Variants in DPY19L2 observed in about 807,000 individuals in gnomAD.
The protein encoded by DPY19L2 is probable C-mannosyltransferase DPY19L2.
Under a neutral mutation model 97.9 loss-of-function variants are expected in DPY19L2, and 34 were observed. The ratio of observed to expected loss-of-function variants is 0.35; its 90% confidence interval spans 0.26 to 0.46. DPY19L2 has a LOEUF of 0.46. DPY19L2 is among the 20% of genes least tolerant of loss of function. The probability of loss-of-function intolerance (pLI) is 1.00; values close to 1 mark genes in which losing one functional copy is unlikely to be tolerated. For missense variants in DPY19L2, 623 were observed against 911.4 expected, an observed-to-expected ratio of 0.68 and a Z score of 4.07; for synonymous variants, 230 against 307.9, an observed-to-expected ratio of 0.75 and a Z score of 2.65.
intron 6 of DPY19L2, among the ~76,000 whole-genome samples, chr12:63,642,299 T>C (rs1415733009): frequency 6.6e-6 from 1 of 152,132 alleles, no homozygotes; most frequent in Non-Finnish European, 1.5e-5. Context: ...GTGGTTTATT[T>C]TTTATCCTAC....
At chr12:63,660,587 CATTT>C (rs1020938027) in intron 4 of DPY19L2, among the ~76,000 whole-genome samples, 4 of 151,786 alleles carry the variant, frequency 2.6e-5, no homozygotes, top group East Asian at 1.9e-4. Flanking sequence ...CAAAGATTAG[CATTT>C]ATTTATTTTA....
intron 12 of DPY19L2, among the ~76,000 whole-genome samples, chr12:63,602,521 A>G: frequency 6.6e-6 from 1 of 152,152 alleles, no homozygotes; most frequent in African/African-American, 2.4e-5. Flanking sequence ...CAGAAATAAA[A>G]GAAGACCTGA....
chr12:63,639,533 G>A (rs1008058339), intron 6 of DPY19L2, among the ~76,000 whole-genome samples: 2 of 152,096 alleles, frequency 1.3e-5, no homozygotes, highest in African/African-American at 2.4e-5. Flanking sequence ...ATCAAAAAGT[G>A]GATGAAGGAT....
At chr12:63,645,899 T>C (rs1893348539) in intron 5 of DPY19L2, among the ~76,000 whole-genome samples, 1 of 152,098 alleles carries the variant, frequency 6.6e-6, no homozygotes, top group South Asian at 2.1e-4. Flanking sequence ...TTAAAATTCT[T>C]CAATGGATAA....
At chr12:63,571,510 C>G (rs1224899140) in intron 19 of DPY19L2, among the ~76,000 whole-genome samples, 1 of 152,108 alleles carries the variant, frequency 6.6e-6, no homozygotes, top group Non-Finnish European at 1.5e-5. Flanking sequence ...ATGTGAAATG[C>G]CAGGAGCTGA....
intron 5 of DPY19L2, among the ~76,000 whole-genome samples, chr12:63,645,814 C>T (rs1173746029): frequency 6.6e-6 from 1 of 152,076 alleles, no homozygotes; most frequent in African/African-American, 2.4e-5. Flanking sequence ...CCTGGCCTCC[C>T]TTAACCTACT....
intron 4 of DPY19L2, chr12:63,652,059 C>A (rs567795543): frequency 5.9e-6 from 1 of 168,708 alleles, no homozygotes; most frequent in African/African-American, 2.4e-5. Context: ...ATCATGCAGG[C>A]CCCACCTGTG....
At chr12:63,635,787 C>A (rs1891570120) in intron 6 of DPY19L2, among the ~76,000 whole-genome samples, 1 of 152,026 alleles carries the variant, frequency 6.6e-6, no homozygotes, top group Non-Finnish European at 1.5e-5. Flanking sequence ...ATGAAAAGAC[C>A]AAATCTACGG....
chr12:63,663,710 T>C (rs1895973795), intron 3 of DPY19L2, 48 bp downstream of exon 3: 3 of 1,488,116 alleles, frequency 2.0e-6, no homozygotes, highest in Non-Finnish European at 2.8e-6. Context: ...CCTCATAGTC[T>C]CGCTATTCTT....
chr12:63,615,766 C>T (rs561547568), intron 11 of DPY19L2, among the ~76,000 whole-genome samples: 9 of 151,998 alleles, frequency 5.9e-5, no homozygotes, highest in Non-Finnish European at 1.3e-4. Flanking sequence ...CAAGGGAGTG[C>T]TTTGGGACAG....
chr12:63,665,150 G>C (rs1896175924), intron 2 of DPY19L2, among the ~76,000 whole-genome samples: 1 of 152,032 alleles, frequency 6.6e-6, no homozygotes, highest in Admixed American at 6.6e-5. Context: ...TTTCCAATTG[G>C]CAGGTGTTAC....
chr12:63,585,567 A>G (rs1478017562), intron 16 of DPY19L2, among the ~76,000 whole-genome samples: 4 of 152,130 alleles, frequency 2.6e-5, no homozygotes, highest in Non-Finnish European at 5.9e-5. Context: ...CTTGTCCCGA[A>G]ATCTTCTAGG....
intron 8 of DPY19L2, among the ~76,000 whole-genome samples, chr12:63,621,937 T>C (rs1382464231): frequency 6.6e-6 from 1 of 152,132 alleles, no homozygotes; most frequent in Non-Finnish European, 1.5e-5. Flanking sequence ...TTACAGTAAC[T>C]TTTAGATATG....
At position 63,668,270 on chromosome 12, in the gene DPY19L2, G is replaced by A. The variant is rs1340309662; in HGVS notation, c.124C>T (p.Leu42=). ...EVEEEMEKSA[L]GGGKLPRGSW... ...CCCCTTGGCAGTTTCCCGCCGCCTA[G>A]GGCCGACTTTTCCATCTCCTCCTCT... Residue 42 remains leucine (L), a synonymous_variant, in exon 1 of 22, where the codon CTA becomes TTA. Coordinates refer to ENST00000324472, the MANE Select transcript of DPY19L2 (RefSeq NM_173812.5). The A allele has an allele frequency of 4.3e-6, 7 of 1,613,748 alleles. No individual in the cohort carries two copies. In the African/African-American group the frequency reaches 9.3e-5, roughly 22 times the overall value.
chr12:63,595,021 G>A (rs958404338), intron 15 of DPY19L2, among the ~76,000 whole-genome samples: 7 of 152,122 alleles, frequency 4.6e-5, no homozygotes, highest in Admixed American at 2.0e-4. Flanking sequence ...CTCTTCCCAC[G>A]TGGTCTGCAG....
Position 63,600,338 on chromosome 12 carries a change from G to A in DPY19L2, c.1327C>T (p.Leu443=). Residue 443 remains leucine, a synonymous_variant, in exon 13 of 22, where the codon CTG becomes TTG. Coordinates refer to ENST00000324472, the MANE Select transcript of DPY19L2 (RefSeq NM_173812.5). Reference sequence around the variant, plus strand: ...GAAACGCCTAAGATTTTAGATGTCAGAAATTTCAAAATGATTGTTCCACAC... The same window carrying A: ...GAAACGCCTAAGATTTTAGATGTCAAAAATTTCAAAATGATTGTTCCACAC... ...WWCGTIILKF[L]TSKILGVSDH... is the part of the protein sequence containing the mutation. 1 of 1,609,462 alleles carries A rather than the reference G, an allele frequency of 6.2e-7. No homozygotes were observed. The highest frequency in any genetic ancestry group is 8.5e-7 in the Non-Finnish European group (1 of 1,177,808).
intron 6 of DPY19L2, among the ~76,000 whole-genome samples, chr12:63,630,746 C>A (rs1007919887): frequency 2.0e-5 from 3 of 152,058 alleles, no homozygotes; most frequent in African/African-American, 7.2e-5. Flanking sequence ...CTCTCCATCC[C>A]AAATCAACAG....
At chr12:63,667,023 G>A (rs4763107) in intron 1 of DPY19L2, among the ~76,000 whole-genome samples, 25,365 of 151,904 alleles carry the variant, frequency 0.17, 2,278 homozygotes, top group East Asian at 0.28. Flanking sequence ...ATTACTAACT[G>A]TCCTGGGCTT....
intron 3 of DPY19L2, among the ~76,000 whole-genome samples, chr12:63,663,437 G>C (rs1216980392): frequency 6.6e-6 from 1 of 152,068 alleles, no homozygotes; most frequent in Admixed American, 6.5e-5. Flanking sequence ...TCTAACTGTA[G>C]CCAAAGAGAA....
Sources: gnomAD v4.1 joint callset for allele counts (sites outside exome capture counted in the v4.1 genomes callset) on GRCh38, gnomAD v4.1.1 for gene constraint, MANE v1.5 for transcripts, NCBI Gene and HGNC (gene_info 2026-07-23, HGNC 2026-07-21) for gene names.